The following SMCO2 variants were observed in gnomAD, a reference collection of about 807,000 sequenced individuals.
The protein encoded by SMCO2 is single-pass membrane protein with coiled-coil domains 2.
SMCO2 carries 25 observed loss-of-function variants against 29.5 expected under a neutral mutation model. The ratio of observed to expected loss-of-function variants is 0.85; its 90% CI spans 0.62 to 1.18. The LOEUF (loss-of-function observed/expected upper bound fraction) is 1.18. SMCO2 is among the 50% of genes most tolerant of loss of function. The pLI is 0.00. For missense variants in SMCO2, 348 were observed against 344.5 expected (o/e 1.01, Z -0.08); for synonymous variants, 117 against 123.3 (o/e 0.95, Z 0.34).
At chr12:27,459,953 G>C in the SMCO2 span, among the ~76,000 whole-genome samples, 1 of 152,204 alleles carries the variant, frequency 6.6e-6, no homozygotes, top group African/African-American at 2.4e-5. Flanking sequence ...TCAGGATTCT[G>C]TTATGACAGC....
chr12:27,469,510 C>A (rs1028917492), intron 1 of SMCO2, among the ~76,000 whole-genome samples: 1 of 152,140 alleles, frequency 6.6e-6, no homozygotes, highest in Admixed American at 6.5e-5. Flanking sequence ...GTTGCTAGTC[C>A]CTGCCATAAA....
intron 5 of SMCO2, among the ~76,000 whole-genome samples, chr12:27,489,153 A>G (rs1031827833): frequency 1.3e-5 from 2 of 152,032 alleles, no homozygotes; most frequent in African/African-American, 4.8e-5. Flanking sequence ...GGTTCAAGCA[A>G]TTCTCATGCC....
chr12:27,460,897 A>G, the SMCO2 span, among the ~76,000 whole-genome samples: 1 of 152,216 alleles, frequency 6.6e-6, no homozygotes, highest in Non-Finnish European at 1.5e-5. Flanking sequence ...ATCAATTTCA[A>G]GCCAGGTTTC....
At chr12:27,452,331 C>G in the SMCO2 span, among the ~76,000 whole-genome samples, 1 of 152,134 alleles carries the variant, frequency 6.6e-6, no homozygotes, top group Non-Finnish European at 1.5e-5. Context: ...AATTTCTCAT[C>G]GTCCACTCCC....
upstream of SMCO2, among the ~76,000 whole-genome samples, chr12:27,463,584 A>G (rs147619744): frequency 3.3e-5 from 5 of 152,272 alleles, no homozygotes; most frequent in African/African-American, 1.2e-4. Context: ...AATCTTTGAA[A>G]AGGGCTTACC....
intron 2 of SMCO2, among the ~76,000 whole-genome samples, chr12:27,472,098 A>G (rs1161416715): frequency 6.6e-6 from 1 of 152,066 alleles, no homozygotes; most frequent in Non-Finnish European, 1.5e-5. Context: ...GGAATACCAT[A>G]TTGCCATTTT....
the SMCO2 span, among the ~76,000 whole-genome samples, chr12:27,444,903 A>G: frequency 6.6e-5 from 10 of 152,386 alleles, no homozygotes; most frequent in East Asian, 1.7e-3. Flanking sequence ...TTATTGCAGC[A>G]CTATTCACAA....
the SMCO2 span, among the ~76,000 whole-genome samples, chr12:27,441,474 T>TA: frequency 2.0e-5 from 3 of 151,826 alleles, no homozygotes; most frequent in African/African-American, 7.3e-5. Context: ...TCAAAGACTA[T>TA]AAAAAAGATA....
At chr12:27,497,089 A>C (rs1943015644) in intron 7 of SMCO2, 1 of 155,882 alleles carries the variant, frequency 6.4e-6, no homozygotes, top group Non-Finnish European at 1.5e-5. Flanking sequence ...TGCAAGATAA[A>C]TTTCCAGCTT....
At chr12:27,446,569 T>TA in the SMCO2 span, 1 of 152,308 alleles carries the variant, frequency 6.6e-6, no homozygotes, top group East Asian at 1.9e-4. Flanking sequence ...ACTCCATGAC[T>TA]AACCAGCATC....
chr12:27,436,165 A>C, the SMCO2 span, among the ~76,000 whole-genome samples: 1 of 151,982 alleles, frequency 6.6e-6, no homozygotes, highest in South Asian at 2.1e-4. Flanking sequence ...TGACCTAATC[A>C]CCTCCCAAAT....
chr12:27,463,250 T>A (rs1949472243), upstream of SMCO2, among the ~76,000 whole-genome samples: 1 of 152,144 alleles, frequency 6.6e-6, no homozygotes, highest in South Asian at 2.1e-4. Context: ...TTCTCTACCA[T>A]CTTTATTTCT....
At chr12:27,468,437 T>C (rs554751087) in intron 1 of SMCO2, among the ~76,000 whole-genome samples, 8 of 152,256 alleles carry the variant, frequency 5.3e-5, no homozygotes, top group Non-Finnish European at 4.4e-5. Context: ...TAAAATGTCA[T>C]TTCTAGAAAC....
chr12:27,436,093 G>T, the SMCO2 span, among the ~76,000 whole-genome samples: 1 of 152,188 alleles, frequency 6.6e-6, no homozygotes, highest in African/African-American at 2.4e-5. Flanking sequence ...AAAGGAGAAA[G>T]GTTGCTCTCT....
the SMCO2 span, among the ~76,000 whole-genome samples, chr12:27,446,287 A>G: frequency 6.6e-6 from 1 of 152,128 alleles, no homozygotes; most frequent in Non-Finnish European, 1.5e-5. Context: ...GGAAGGGGAG[A>G]GAGAGATGGA....
At chr12:27,500,824 A>G (rs903435507) in intron 7 of SMCO2, among the ~76,000 whole-genome samples, 1 of 150,586 alleles carries the variant, frequency 6.6e-6, no homozygotes, top group Admixed American at 6.6e-5. Context: ...AGTGATAGCC[A>G]GTGGGGATAA....
chr12:27,495,730 A>T (rs910417901), exon 7 of SMCO2: 1 of 1,535,110 alleles, frequency 6.5e-7, no homozygotes, highest in Non-Finnish European at 8.8e-7. Flanking sequence ...GGATGTATCA[A>T]ATGGAGGCAG....
chr12:27,482,551 T>A (rs145995587), intron 4 of SMCO2, among the ~76,000 whole-genome samples: 1 of 152,180 alleles, frequency 6.6e-6, no homozygotes. Flanking sequence ...TCCGCCCACA[T>A]TGGCCTACCA....
chr12:27,477,209 GGTTTTTTTTTTTT>G (rs369455461), intron 4 of SMCO2, among the ~76,000 whole-genome samples: 4,511 of 134,060 alleles, frequency 0.034, 280 homozygotes, highest in African/African-American at 0.12. Context: ...TTGGCTGTCA[GGTTTTTTTTTTTT>G]TTTTTTTTTT....
Sources: allele counts gnomAD v4.1 joint callset (sites outside exome capture counted in the v4.1 genomes callset), GRCh38; gene constraint gnomAD v4.1.1; transcripts MANE v1.5; gene names NCBI Gene and HGNC (gene_info 2026-07-23, HGNC 2026-07-21).